Variants in SLC25A21 observed in about 807,000 individuals in gnomAD.
SLC25A21 encodes the protein solute carrier family 25 member 21, also known as mitochondrial 2-oxodicarboxylate carrier.
Under a neutral mutation model 43.8 loss-of-function variants are expected in SLC25A21, and 47 were observed. The ratio of observed to expected loss-of-function variants is 1.07; its 90% CI spans 0.85 to 1.37. SLC25A21 has a LOEUF of 1.37. SLC25A21 is among the 40% of genes most tolerant of loss of function. The probability of loss-of-function intolerance (pLI) is 0.00; values close to 1 mark genes in which losing one functional copy is unlikely to be tolerated. For missense variants in SLC25A21, 352 were observed against 350.2 expected, an observed-to-expected ratio of 1.00 and a Z score of -0.04; for synonymous variants, 131 against 121.3, an observed-to-expected ratio of 1.08 and a Z score of -0.52.
rs150359691 is a variant in SLC25A21 at position 37,119,942 on chromosome 14, A to T, written c.70+52339T>A. Among the ~76,000 whole-genome samples, 1,257 of 152,294 alleles carry T rather than the reference A, an allele frequency of 8.3e-3. 8 individuals are homozygous for T. The highest frequency in any genetic ancestry group is 0.011 in the Non-Finnish European group (760 of 68,034). The stretch of plus-strand genomic sequence containing the variant: ...ATATGATATGATATCTGCCACAATG[A>T]TACGAGTGGCAGAAGGAGATTCAAT... On this transcript the variant is annotated intron_variant, in intron 1 of 9. Coordinates refer to ENST00000331299, the MANE Select transcript of SLC25A21 (RefSeq NM_030631.4).
At chr14:36,769,141 T>C (rs1228901869) in intron 3 of SLC25A21, among the ~76,000 whole-genome samples, 4 of 152,210 alleles carry the variant, frequency 2.6e-5, no homozygotes, top group Admixed American at 6.5e-5. Context: ...GATGTGGCAT[T>C]ACTGAAGTGT....
intron 1 of SLC25A21, among the ~76,000 whole-genome samples, chr14:37,141,445 T>A (rs1032268528): frequency 6.6e-6 from 1 of 152,194 alleles, no homozygotes; most frequent in Admixed American, 6.5e-5. Flanking sequence ...GCATTTATAC[T>A]GGCCTTTGTA....
intron 3 of SLC25A21, among the ~76,000 whole-genome samples, chr14:36,752,156 G>A (rs1594552932): frequency 6.6e-6 from 1 of 152,088 alleles, no homozygotes; most frequent in African/African-American, 2.4e-5. Flanking sequence ...TCATCATGAG[G>A]GAAATGCAAA....
chr14:37,077,963 C>T (rs1057488600), intron 1 of SLC25A21, among the ~76,000 whole-genome samples: 2 of 152,028 alleles, frequency 1.3e-5, no homozygotes, highest in African/African-American at 2.4e-5. Context: ...AATTTTTAAA[C>T]GAAAGACATT....
intron 1 of SLC25A21, among the ~76,000 whole-genome samples, chr14:37,080,887 A>T (rs1340636834): frequency 6.6e-6 from 1 of 152,170 alleles, no homozygotes; most frequent in East Asian, 1.9e-4. Flanking sequence ...GGCAGGGTCA[A>T]CTTCCAGGCC....
intron 1 of SLC25A21, among the ~76,000 whole-genome samples, chr14:36,898,655 C>G (rs1156592743): frequency 6.6e-6 from 1 of 152,114 alleles, no homozygotes; most frequent in African/African-American, 2.4e-5. Context: ...TGGAGCTGTT[C>G]CTATTCAGCC....
At chr14:36,797,107 G>C (rs1423007345) in intron 3 of SLC25A21, among the ~76,000 whole-genome samples, 1 of 152,110 alleles carries the variant, frequency 6.6e-6, no homozygotes, top group Admixed American at 6.6e-5. Context: ...TTGTTTATTG[G>C]AGGAAAGATG....
In SLC25A21 at chr14:36,780,752, T is replaced by C. The variant is rs543510482; in HGVS notation, c.203+33166A>G. Among the ~76,000 whole-genome samples, 123 of 152,220 alleles carry C rather than the reference T, an allele frequency of 8.1e-4. 1 individual carries two copies. The highest frequency in any genetic ancestry group is 2.9e-3 in the African/African-American group (119 of 41,578). On this transcript the variant is annotated intron_variant, in intron 3 of 9. Transcript: ENST00000331299. ...TTGTTTTGTGGCATAATATATAATC[T>C]ATCTGGAGAATGTTTTGTGTGTGCT... is the stretch of plus-strand genomic sequence containing the variant.
chr14:36,979,321 G>GTGTTT (rs1170368208), intron 1 of SLC25A21, among the ~76,000 whole-genome samples: 2 of 113,074 alleles, frequency 1.8e-5, no homozygotes, highest in African/African-American at 1.3e-4. Flanking sequence ...AATTAAGGTA[G>GTGTTT]TGTTTTTTTG....
Position 36,878,461 on chromosome 14 carries a change from CA to C in SLC25A21, c.71-3458del, listed in dbSNP as rs555254596. On this transcript the variant is annotated intron_variant, in intron 1 of 9. Coordinates refer to ENST00000331299, the MANE Select transcript of SLC25A21 (RefSeq NM_030631.4). ...GTTCAGAGTTAAATCTGGATTCACT[CA>C]GAGTGGGAATGGATGCTTGCTGTCC... Among the ~76,000 whole-genome samples the C allele has an allele frequency of 3.2e-4, 49 of 152,264 alleles. No homozygotes were observed. The South Asian group carries it at 7.5e-3, about 23-fold the overall frequency.
At chr14:36,709,579 A>T (rs1025466613) in intron 7 of SLC25A21, among the ~76,000 whole-genome samples, 1 of 152,226 alleles carries the variant, frequency 6.6e-6, no homozygotes, top group East Asian at 1.9e-4. Flanking sequence ...CCAAAAAAAC[A>T]TAAGCTTCTA....
chr14:37,075,609 A>C (rs1020911781), intron 1 of SLC25A21, among the ~76,000 whole-genome samples: 1 of 152,192 alleles, frequency 6.6e-6, no homozygotes, highest in Admixed American at 6.5e-5. Context: ...ATTTACAAGC[A>C]ATTTTACTTA....
chr14:37,023,120 T>A (rs553981672), intron 1 of SLC25A21, among the ~76,000 whole-genome samples: 13 of 152,108 alleles, frequency 8.5e-5, no homozygotes, highest in African/African-American at 2.6e-4. Context: ...TGGCTCCAGT[T>A]TGGCTCAGTT....
At chr14:37,116,953 T>C (rs573095794) in intron 1 of SLC25A21, among the ~76,000 whole-genome samples, 1 of 152,306 alleles carries the variant, frequency 6.6e-6, no homozygotes, top group East Asian at 1.9e-4. Context: ...TTGGGTGCCA[T>C]TCCAACTACC....
chr14:36,832,745 A>T (rs1889080450), intron 2 of SLC25A21, among the ~76,000 whole-genome samples: 1 of 152,160 alleles, frequency 6.6e-6, no homozygotes, highest in Non-Finnish European at 1.5e-5. Flanking sequence ...TTTTAAGATT[A>T]TTTTTTAAAC....
At chr14:36,768,152 A>G (rs764360558) in intron 3 of SLC25A21, among the ~76,000 whole-genome samples, 1 of 152,184 alleles carries the variant, frequency 6.6e-6, no homozygotes, top group Non-Finnish European at 1.5e-5. Flanking sequence ...TACTGGCTTC[A>G]GTACACTTGG....
intron 1 of SLC25A21, among the ~76,000 whole-genome samples, chr14:37,087,784 T>A (rs1962513459): frequency 6.6e-6 from 1 of 152,222 alleles, no homozygotes; most frequent in South Asian, 2.1e-4. Context: ...CAACCATGTT[T>A]GTTTTTTGTG....
chr14:37,137,449 T>C (rs918692310), intron 1 of SLC25A21, among the ~76,000 whole-genome samples: 1 of 152,234 alleles, frequency 6.6e-6, no homozygotes, highest in African/African-American at 2.4e-5. Context: ...AATTTCTTGT[T>C]AGAAGCATAT....
intron 3 of SLC25A21, among the ~76,000 whole-genome samples, chr14:36,783,493 AT>A: frequency 6.6e-6 from 1 of 151,954 alleles, no homozygotes; most frequent in East Asian, 1.9e-4. Context: ...TATCCTCAGT[AT>A]TCTGGTGGGG....
Sources: allele counts gnomAD v4.1 joint callset (sites outside exome capture counted in the v4.1 genomes callset), GRCh38; gene constraint gnomAD v4.1.1; transcripts MANE v1.5; gene names NCBI Gene and HGNC (gene_info 2026-07-23, HGNC 2026-07-21).